The following SLC44A5 variants were observed in gnomAD, a reference collection of about 807,000 sequenced individuals.
SLC44A5 encodes the protein choline transporter-like protein 5.
Under a neutral mutation model 101.8 loss-of-function variants are expected in SLC44A5, and 57 were observed. The ratio of observed to expected loss-of-function variants is 0.56; its 90% CI spans 0.45 to 0.70. The LOEUF (loss-of-function observed/expected upper bound fraction) is 0.70, where lower values mean the gene tolerates loss of function less well. SLC44A5 is among the 30% of genes least tolerant of loss of function. The pLI, the probability that SLC44A5 is intolerant of heterozygous loss-of-function variation, is 0.00. For missense variants in SLC44A5, 737 were observed against 853.1 expected (o/e 0.86, Z 1.70); for synonymous variants, 281 against 290.9 (o/e 0.97, Z 0.35).
chr1:75,242,798 G>A, intron 8 of SLC44A5, 88 bp downstream of exon 8: 4 of 1,409,512 alleles, frequency 2.8e-6, no homozygotes, highest in Non-Finnish European at 2.9e-6. Context: ...AGATTTGGGA[G>A]CTTGTTCAGT....
At chr1:75,236,670 T>G (rs1648113700) in intron 11 of SLC44A5, among the ~76,000 whole-genome samples, 1 of 151,916 alleles carries the variant, frequency 6.6e-6, no homozygotes, top group South Asian at 2.1e-4. Flanking sequence ...AGCACACGAG[T>G]ATTACAGATA....
chr1:75,649,494 G>T, the SLC44A5 span, among the ~76,000 whole-genome samples: 2 of 152,150 alleles, frequency 1.3e-5, no homozygotes, highest in Non-Finnish European at 2.9e-5. Context: ...AATGGAAAGG[G>T]AATGGGGATC....
the SLC44A5 span, among the ~76,000 whole-genome samples, chr1:75,714,133 CA>C: frequency 6.6e-6 from 1 of 152,082 alleles, no homozygotes; most frequent in Admixed American, 6.5e-5. Flanking sequence ...AAATCCTCAA[CA>C]AAATGTTAGT....
the SLC44A5 span, among the ~76,000 whole-genome samples, chr1:75,695,629 T>C: frequency 5.3e-5 from 8 of 151,184 alleles, no homozygotes; most frequent in African/African-American, 1.5e-4. Flanking sequence ...ACTAAATTTG[T>C]AGGGAAACAA....
chr1:75,394,848 C>T (rs1372948969), intron 3 of SLC44A5, among the ~76,000 whole-genome samples: 2 of 151,984 alleles, frequency 1.3e-5, no homozygotes, highest in Admixed American at 1.3e-4. Context: ...ATCCACTCAC[C>T]CCTGAATACT....
intron 1 of SLC44A5, among the ~76,000 whole-genome samples, chr1:75,581,567 A>G (rs943648303): frequency 3.3e-5 from 5 of 152,246 alleles, no homozygotes; most frequent in African/African-American, 1.2e-4. Context: ...AATAATGTAT[A>G]TGGAATAAGA....
chr1:75,473,899 A>C (rs918896049), intron 2 of SLC44A5, among the ~76,000 whole-genome samples: 1 of 152,192 alleles, frequency 6.6e-6, no homozygotes, highest in Non-Finnish European at 1.5e-5. Context: ...GAATCTTCTA[A>C]ATATGAGCTC....
intron 2 of SLC44A5, among the ~76,000 whole-genome samples, chr1:75,486,095 A>T (rs1005503944): frequency 6.6e-6 from 1 of 152,238 alleles, no homozygotes; most frequent in Non-Finnish European, 1.5e-5. Flanking sequence ...TAGTAATAAA[A>T]TAATAATATG....
chr1:75,384,176 A>T (rs1426115498), intron 3 of SLC44A5, among the ~76,000 whole-genome samples: 2 of 152,318 alleles, frequency 1.3e-5, no homozygotes, highest in East Asian at 3.9e-4. Context: ...AGCTAACATC[A>T]TAATGACAGG....
intron 4 of SLC44A5, among the ~76,000 whole-genome samples, chr1:75,320,743 G>A (rs1391154908): frequency 1.3e-5 from 2 of 152,112 alleles, no homozygotes; most frequent in Admixed American, 6.6e-5. Context: ...AAAGAGGTAC[G>A]TGACCTAAAT....
chr1:75,407,423 A>G (rs1383470203), intron 2 of SLC44A5, among the ~76,000 whole-genome samples: 1 of 152,198 alleles, frequency 6.6e-6, no homozygotes, highest in Non-Finnish European at 1.5e-5. Flanking sequence ...AACAAAAAGA[A>G]CAAAGCTGGA....
At chr1:75,330,869 T>C (rs1371447752) in intron 4 of SLC44A5, among the ~76,000 whole-genome samples, 1 of 152,194 alleles carries the variant, frequency 6.6e-6, no homozygotes, top group Non-Finnish European at 1.5e-5. Context: ...TTTCTCAATT[T>C]TTATCTTGTT....
chr1:75,240,522 C>A (rs896425179), intron 9 of SLC44A5, among the ~76,000 whole-genome samples: 4 of 152,064 alleles, frequency 2.6e-5, no homozygotes, highest in Non-Finnish European at 5.9e-5. Context: ...CCTATTATAT[C>A]TTTTGTTACT....
intron 2 of SLC44A5, among the ~76,000 whole-genome samples, chr1:75,444,194 G>GT (rs1665373062): frequency 6.6e-6 from 1 of 151,790 alleles, no homozygotes; most frequent in Non-Finnish European, 1.5e-5. Flanking sequence ...ACGCATAGCT[G>GT]TAATCCCAGG....
intron 18 of SLC44A5, among the ~76,000 whole-genome samples, 182 bp downstream of exon 18, chr1:75,217,684 C>T (rs1646990272): frequency 6.6e-6 from 1 of 151,866 alleles, no homozygotes; most frequent in African/African-American, 2.4e-5. Flanking sequence ...CACCACTGTC[C>T]CTCCCCTCCC....
At chr1:75,578,497 A>C (rs1673500899) in intron 1 of SLC44A5, among the ~76,000 whole-genome samples, 1 of 152,186 alleles carries the variant, frequency 6.6e-6, no homozygotes, top group Non-Finnish European at 1.5e-5. Flanking sequence ...ATCCTAATAA[A>C]ACTGAAGTGC....
intron 2 of SLC44A5, among the ~76,000 whole-genome samples, chr1:75,497,794 T>A (rs1557848446): frequency 6.6e-6 from 1 of 152,100 alleles, no homozygotes; most frequent in Non-Finnish European, 1.5e-5. Flanking sequence ...TTTAATTCCA[T>A]AAGAAAAATA....
chr1:75,620,714 T>C, the SLC44A5 span, among the ~76,000 whole-genome samples: 1 of 152,204 alleles, frequency 6.6e-6, no homozygotes, highest in African/African-American at 2.4e-5. Context: ...AAATTCTTTG[T>C]AGATTCTGGA....
intron 2 of SLC44A5, among the ~76,000 whole-genome samples, chr1:75,534,722 G>T (rs984853215): frequency 5.3e-5 from 8 of 152,190 alleles, no homozygotes; most frequent in African/African-American, 1.7e-4. Context: ...TTCCATTACT[G>T]AATCAACTTT....
Sources: allele counts gnomAD v4.1 joint callset (sites outside exome capture counted in the v4.1 genomes callset), GRCh38; gene constraint gnomAD v4.1.1; transcripts MANE v1.5; gene names NCBI Gene and HGNC (gene_info 2026-07-23, HGNC 2026-07-21).